Variants in SMYD3 observed in about 807,000 individuals in gnomAD.
SMYD3 encodes SET and MYND domain containing 3.
A neutral mutation model predicts 57.7 loss-of-function variants in SMYD3; 36 were observed. That is an observed-to-expected ratio of 0.62 (90% CI 0.48 to 0.82). SMYD3 has a LOEUF of 0.82. Ranked by LOEUF, SMYD3 falls within the 40% of genes least tolerant of loss-of-function variation. The pLI is 0.00. For missense variants in SMYD3, 515 were observed against 538.8 expected, an observed-to-expected ratio of 0.96 and a Z score of 0.44; for synonymous variants, 211 against 195.0, an observed-to-expected ratio of 1.08 and a Z score of -0.68.
At chr1:245,936,311 C>CT (rs1420046234) in intron 5 of SMYD3, among the ~76,000 whole-genome samples, 1 of 151,368 alleles carries the variant, frequency 6.6e-6, no homozygotes, top group African/African-American at 2.4e-5. Context: ...CAAGACATCT[C>CT]TAATATTTGA....
At chr1:246,167,868 C>T (rs1180954217) in intron 5 of SMYD3, among the ~76,000 whole-genome samples, 1 of 152,188 alleles carries the variant, frequency 6.6e-6, no homozygotes, top group Non-Finnish European at 1.5e-5. Context: ...CATCTTTTCA[C>T]GTGCTTGTCG....
At chr1:246,363,317 C>T (rs1422601196) in intron 1 of SMYD3, among the ~76,000 whole-genome samples, 46 of 147,830 alleles carry the variant, frequency 3.1e-4, no homozygotes, top group East Asian at 1.0e-3. Context: ...GCCCCCCGCC[C>T]GGCCAGCCGC....
intron 3 of SMYD3, among the ~76,000 whole-genome samples, chr1:246,332,806 T>C (rs1239472591): frequency 6.6e-6 from 1 of 152,174 alleles, no homozygotes; most frequent in Non-Finnish European, 1.5e-5. Flanking sequence ...AGACTCCATC[T>C]CAAAACATAC....
chr1:246,176,486 C>T (rs1486569971), intron 5 of SMYD3, among the ~76,000 whole-genome samples: 2 of 152,178 alleles, frequency 1.3e-5, no homozygotes, highest in South Asian at 2.1e-4. Context: ...CTCAGCAACA[C>T]GAAAACATAT....
chr1:245,817,268 C>T lies in SMYD3; in HGVS notation c.1076+41228G>A, dbSNP rs554073079. Among the ~76,000 whole-genome samples the T allele has an allele frequency of 1.5e-4, 21 of 144,070 alleles. No individual in the cohort carries two copies. The East Asian group carries it at 4.3e-3, about 30-fold the overall frequency. 94.5% of individuals were successfully genotyped at this position (144,070 alleles called of 152,430 possible). A position where few individuals can be genotyped will look rare whatever the true frequency, so the allele number is the denominator to read the frequency against. On this transcript the variant is annotated intron_variant, in intron 10 of 11. Coordinates refer to ENST00000490107, the MANE Select transcript of SMYD3 (RefSeq NM_001167740.2). ...ACCCCCGAGCAGCCTAACTGGGAGGCACCCCCCAGCAGGGGCACACTGACA... is the reference window on the plus strand; with the variant it reads ...ACCCCCGAGCAGCCTAACTGGGAGGTACCCCCCAGCAGGGGCACACTGACA...
At chr1:246,166,711 T>C (rs2062218866) in intron 5 of SMYD3, among the ~76,000 whole-genome samples, 2 of 152,236 alleles carry the variant, frequency 1.3e-5, no homozygotes, top group South Asian at 4.1e-4. Context: ...TGCAAATATG[T>C]GCTCCATAAA....
At chr1:246,184,037 G>A (rs1392904712) in intron 5 of SMYD3, among the ~76,000 whole-genome samples, 4 of 152,146 alleles carry the variant, frequency 2.6e-5, no homozygotes, top group African/African-American at 7.2e-5. Context: ...ACCTATCCAC[G>A]TCCCAGATTA....
chr1:245,781,653 T>C lies in SMYD3; in HGVS notation c.1077-17504A>G, dbSNP rs747435363. On this transcript the variant is annotated intron_variant, in intron 10 of 11. Transcript: ENST00000490107. The stretch of plus-strand genomic sequence containing the variant: ...ACAGTTCAGCACATGTGTCTTATAA[T>C]GGTCTCCTCCAAATTCCATAGCGAC... 4.6e-5 allele frequency among the ~76,000 whole-genome samples: 7 copies of C among 152,346 alleles called. No individual in the cohort carries two copies. The South Asian group carries it at 6.2e-4, about 14-fold the overall frequency.
intron 8 of SMYD3, among the ~76,000 whole-genome samples, chr1:245,915,048 T>C (rs928049222): frequency 6.6e-6 from 1 of 152,156 alleles, no homozygotes; most frequent in Non-Finnish European, 1.5e-5. Context: ...ACTGGGTTTG[T>C]TGAAATCATA....
chr1:246,102,088 G>T (rs1036746736), intron 5 of SMYD3, among the ~76,000 whole-genome samples: 5 of 152,110 alleles, frequency 3.3e-5, no homozygotes, highest in African/African-American at 1.2e-4. Flanking sequence ...CACCTCATAT[G>T]GTTTCTGGAG....
chr1:246,115,211 T>C (rs2362250), intron 5 of SMYD3, among the ~76,000 whole-genome samples: 23,828 of 152,158 alleles, frequency 0.16, 3,464 homozygotes, highest in African/African-American at 0.39. Context: ...CACATGAACA[T>C]ACTGCCTGAA....
chr1:245,756,723 G>A (rs904133446), intron 11 of SMYD3, among the ~76,000 whole-genome samples: 2 of 150,828 alleles, frequency 1.3e-5, no homozygotes, highest in Non-Finnish European at 3.0e-5. Flanking sequence ...TGTGGTTTCT[G>A]ATGAGAAAAT....
intron 8 of SMYD3, among the ~76,000 whole-genome samples, chr1:245,885,113 A>G (rs981307026): frequency 6.6e-6 from 1 of 152,138 alleles, no homozygotes; most frequent in Non-Finnish European, 1.5e-5. Flanking sequence ...GCCACCTTTA[A>G]GAGCTGTAAC....
At chr1:246,098,825 C>T (rs938881571) in intron 5 of SMYD3, among the ~76,000 whole-genome samples, 3 of 151,578 alleles carry the variant, frequency 2.0e-5, no homozygotes, top group African/African-American at 7.3e-5. Flanking sequence ...TGTATATACA[C>T]TCACACACAC....
intron 5 of SMYD3, among the ~76,000 whole-genome samples, chr1:246,000,206 A>G (rs1486161227): frequency 6.6e-6 from 1 of 152,200 alleles, no homozygotes; most frequent in Non-Finnish European, 1.5e-5. Flanking sequence ...AGACAAATCT[A>G]CACAGCTACT....
chr1:246,427,730 T>A (rs979528831), intron 1 of SMYD3, among the ~76,000 whole-genome samples: 2 of 151,928 alleles, frequency 1.3e-5, no homozygotes, highest in Non-Finnish European at 2.9e-5. Context: ...CAGGCATGCC[T>A]ATAGTCCCAG....
At chr1:246,290,995 T>C (rs2064678430) in intron 5 of SMYD3, among the ~76,000 whole-genome samples, 1 of 152,076 alleles carries the variant, frequency 6.6e-6, no homozygotes, top group South Asian at 2.1e-4. Context: ...AGACTATTTG[T>C]TACCTTGTGA....
chr1:245,940,206 G>A (rs1193444736), intron 5 of SMYD3, among the ~76,000 whole-genome samples: 1 of 152,196 alleles, frequency 6.6e-6, no homozygotes. Flanking sequence ...TTTCCTGCCT[G>A]CTAGCTCTGA....
intron 10 of SMYD3, among the ~76,000 whole-genome samples, chr1:245,818,152 A>C (rs371589274): frequency 6.6e-6 from 1 of 152,096 alleles, no homozygotes; most frequent in Non-Finnish European, 1.5e-5. Flanking sequence ...AGAGAGAAAG[A>C]TCGGGTTACC....
Sources: gnomAD v4.1 joint callset for allele counts (sites outside exome capture counted in the v4.1 genomes callset) on GRCh38, gnomAD v4.1.1 for gene constraint, MANE v1.5 for transcripts, NCBI Gene and HGNC (gene_info 2026-07-23, HGNC 2026-07-21) for gene names.